FBXW5: variants seen among roughly 807,000 people sequenced by gnomAD.
The protein encoded by FBXW5 is F-box and WD repeat domain containing 5.
FBXW5 carries 74 observed loss-of-function variants against 50.9 expected under a neutral mutation model. That is an observed-to-expected ratio of 1.45 (90% CI 1.20 to 1.76). The LOEUF is 1.76. FBXW5 is among the 40% of genes most tolerant of loss of function. The pLI is 0.00. For missense variants in FBXW5, 1,073 were observed against 818.8 expected (o/e 1.31, Z -3.79); for synonymous variants, 523 against 362.2 (o/e 1.44, Z -5.04).
intron 2 of FBXW5, 70 bp from the exon 3 acceptor site, chr9:136,943,576 C>T: frequency 6.5e-7 from 1 of 1,530,360 alleles, no homozygotes; most frequent in South Asian, 1.2e-5. Flanking sequence ...CCGAGTGTGG[C>T]CCCAGCAGTC....
rs2131356181 is a variant in FBXW5, at chr9:136,942,464, A to G, written c.678T>C (p.Asp226=). The change falls in exon 6 of 9, where the codon GAT becomes GAC. Residue 226 remains aspartate (D), a splice_region_variant and synonymous_variant. Transcript: ENST00000325285. ...CCACGTTGACGTTCTCTGACTCCAC[A>G]TCCTGGGGGCGGGGGCACGTGCCAG... ...SVLWLNNAFQ[D]VESENVNVVK... The G allele has an allele frequency of 3.1e-6, 5 of 1,598,906 alleles. No individual in the cohort carries two copies. The highest frequency in any genetic ancestry group is 4.3e-6 in the Non-Finnish European group (5 of 1,169,456).
chr9:136,941,986 C>T lies in FBXW5; in HGVS notation c.1096+60G>A, dbSNP rs536970790. ...GCTTGCTGTCTGCCCCTCAGGACCC[C>T]TGCCCGGCCTCCCCCAAGCTCCTAG... is the stretch of plus-strand genomic sequence containing the variant. On this transcript the variant is annotated intron_variant, in intron 6 of 8. Coordinates refer to ENST00000325285, the MANE Select transcript of FBXW5 (RefSeq NM_018998.4). The T allele has an allele frequency of 2.6e-5, 40 of 1,519,898 alleles. No homozygotes were observed. In the African/African-American group the frequency reaches 5.0e-4, roughly 19 times the overall value. 94.2% of individuals were successfully genotyped at this position (1,519,898 alleles called of 1,614,324 possible). A position where few individuals can be genotyped will look rare whatever the true frequency, so the allele number is the denominator to read the frequency against.
Position 136,941,467 on chromosome 9 carries a change from G to C in FBXW5, c.1245-4C>G. ...GCGGCTGTTCACGTACAGGTACCTG[G>C]GCGAGGGGCACTGTGCTAGGTGTGG... On this transcript the variant is annotated splice_region_variant and splice_polypyrimidine_tract_variant and intron_variant, in intron 7 of 8. Transcript: ENST00000325285. 1.2e-6 allele frequency: 2 copies of C among 1,606,566 alleles called. No individual in the cohort carries two copies. The highest frequency in any genetic ancestry group is 1.7e-6 in the Non-Finnish European group (2 of 1,179,716).
Position 136,942,354 on chromosome 9 carries a change from G to C in FBXW5, c.788C>G (p.Pro263Arg). ...GTCACCGGCTTCCAGCAGCAGGTCA[G>C]GGCTGTCGAAGCGGCTGCAGTCGGC... ...MVADCSRFDS[P>R]DLLLEAGDPA... Residue 263 changes from proline to arginine, a missense_variant, in exon 6 of 9, where the codon CCT (proline) becomes CGT (arginine). Coordinates refer to ENST00000325285, the MANE Select transcript of FBXW5 (RefSeq NM_018998.4). The C allele has an allele frequency of 3.1e-6, 5 of 1,607,718 alleles. No homozygotes were observed. The highest frequency in any genetic ancestry group is 1.3e-5 in the African/African-American group (1 of 74,988).
rs748171605 is a variant in FBXW5, at chr9:136,941,586, T to C, written c.1195A>G (p.Ile399Val). ...CCGATGATGTGTCCGTGTATGTCTA[T>C]GACGTGGTCCAGCGCGTCGAAGAAG... ...DAFFDALDHVIDIHGHIIGMG... is the reference protein window; with the variant it reads ...DAFFDALDHVVDIHGHIIGMG... The change falls in exon 7 of 9, where the codon ATA becomes GTA. Residue 399 changes from isoleucine (I) to valine (V), a missense_variant. Physicochemically the swap from Ile to Val is conservative, Grantham distance 29. Transcript: ENST00000325285. 4.3e-6 allele frequency: 7 copies of C among 1,609,296 alleles called. No individual in the cohort carries two copies. In the South Asian group the frequency reaches 4.4e-5, roughly 10 times the overall value.
At position 136,940,766 on chromosome 9, in the gene FBXW5, CTGCGTGAGCAGGTTTG is replaced by C; in HGVS notation, c.*146_*161del. The C allele has an allele frequency of 8.4e-7, 1 of 1,183,694 alleles. No individual in the cohort carries two copies. Among genetic ancestry groups the C allele is most frequent in the Non-Finnish European group, 1.2e-6 (1 of 866,220 alleles). 73.3% of individuals were successfully genotyped at this position (1,183,694 alleles called of 1,614,324 possible). On this transcript the variant is annotated 3_prime_UTR_variant, in exon 9 of 9. Transcript: ENST00000325285. The stretch of plus-strand genomic sequence containing the variant: ...GGCCACCCCGTGCCAAGCATCACAG[CTGCGTGAGCAGGTTTG>C]TGTGTGAGCGTGTGGCGGGGCCTGG...
intron 6 of FBXW5, 179 bp from the exon 7 acceptor site, chr9:136,941,863 C>G: frequency 7.0e-7 from 1 of 1,435,958 alleles, no homozygotes. Flanking sequence ...GGCCAGCGGC[C>G]CTGCCTGCGT....
At chr9:136,943,541 C>G (rs1850892309) in intron 2 of FBXW5, 35 bp from the exon 3 acceptor site, 1 of 1,583,354 alleles carries the variant, frequency 6.3e-7, no homozygotes. Flanking sequence ...TGGGCCCGGG[C>G]CTTCCTCGCA....
Position 136,942,111 on chromosome 9 carries a change from G to A in FBXW5, c.1031C>T (p.Thr344Ile), listed in dbSNP as rs1850795173. 2 of 1,612,730 alleles carry A rather than the reference G, an allele frequency of 1.2e-6. No homozygotes were observed. The highest frequency in any genetic ancestry group is 1.7e-6 in the Non-Finnish European group (2 of 1,179,368). The change falls in exon 6 of 9, where the codon ACA becomes ATA. Residue 344 changes from threonine to isoleucine, a missense_variant. Transcript: ENST00000325285. ...GHTKPPERSA[T>I]GAKSKYLIFT... ...GATGAGGTACTTGCTCTTGGCGCCT[G>A]TGGCACTGCGCTCGGGTGGCTTGGT...
Position 136,943,291 on chromosome 9 carries a change from G to C in FBXW5, c.351+58C>G, listed in dbSNP as rs575667307. 16 of 1,581,884 alleles carry C rather than the reference G, an allele frequency of 1.0e-5. No individual in the cohort carries two copies. The African/African-American group carries it at 1.9e-4, about 19-fold the overall frequency. On this transcript the variant is annotated intron_variant, in intron 3 of 8. Transcript: ENST00000325285. The stretch of plus-strand genomic sequence containing the variant: ...ACCTGGTTGGAACGCCTGGGTCCTG[G>C]GACCTCCGTGCTGCGGCAGAGCTGG...
rs986536952 is a variant in FBXW5 at position 136,944,012 on chromosome 9, G to A, written c.72C>T (p.Ala24=). 6.3e-7 allele frequency: 1 copy of A among 1,599,456 alleles called. No individual in the cohort carries two copies. Residue 24 remains alanine (A), a synonymous_variant, in exon 2 of 9, where the codon GCC becomes GCT. Transcript: ENST00000325285. Reference sequence around the variant, plus strand: ...ACACCAGCCCGGCGGCCAGCACGTCGGCCGGGCCCAGGCTCAGGAAGATCT... The same window carrying A: ...ACACCAGCCCGGCGGCCAGCACGTCAGCCGGGCCCAGGCTCAGGAAGATCT... ...VYQIFLSLGP[A]DVLAAGLVCR...
At chr9:136,943,326 G>A (rs375441221) in intron 3 of FBXW5, 23 bp downstream of exon 3, 4 of 1,607,108 alleles carry the variant, frequency 2.5e-6, no homozygotes, top group African/African-American at 1.3e-5. Context: ...GGTGGGGTGT[G>A]CAGGACACCT....
chr9:136,943,379 G>T lies in FBXW5; in HGVS notation c.321C>A (p.Phe107Leu), dbSNP rs142320232. ...HLSFSHSGYQ[F>L]ASCSKDCTVK... Reference sequence around the variant, plus strand: ...CAGTGCAGTCCTTGGAGCAGGACGCGAACTGGTACCCGGAATGGGAGAAGC... The same window carrying T: ...CAGTGCAGTCCTTGGAGCAGGACGCTAACTGGTACCCGGAATGGGAGAAGC... Residue 107 changes from phenylalanine (F) to leucine (L), a missense_variant, in exon 3 of 9, where the codon TTC becomes TTA. Coordinates refer to ENST00000325285, the MANE Select transcript of FBXW5 (RefSeq NM_018998.4). 3 of 1,612,786 alleles carry T rather than the reference G, an allele frequency of 1.9e-6. No individual in the cohort carries two copies. The African/African-American group carries it at 4.0e-5, about 22-fold the overall frequency.
rs1472227260 is a variant in FBXW5, at chr9:136,942,564, G to C, written c.658C>G (p.Leu220Val). The C allele has an allele frequency of 6.2e-7, 1 of 1,611,758 alleles. No individual in the cohort carries two copies. Among genetic ancestry groups the C allele is most frequent in the Non-Finnish European group, 8.5e-7 (1 of 1,179,360 alleles). The stretch of plus-strand genomic sequence containing the variant: ...GCACGCACCTGGAAGGCATTGTTGA[G>C]CCACAGCACCGAGCAGGAGGTGATA... ...GDITSCSVLW[L>V]NNAFQDVESE... The change falls in exon 5 of 9, where the codon CTC becomes GTC. Residue 220 changes from leucine (L) to valine (V), a missense_variant. Coordinates refer to ENST00000325285, the MANE Select transcript of FBXW5 (RefSeq NM_018998.4).
rs1323527210 is a variant in FBXW5 at position 136,942,246 on chromosome 9, T to C, written c.896A>G (p.Lys299Arg). The C allele has an allele frequency of 6.3e-7, 1 of 1,585,344 alleles. No individual in the cohort carries two copies. Among genetic ancestry groups the C allele is most frequent in the Non-Finnish European group, 8.6e-7 (1 of 1,167,036 alleles). The change falls in exon 6 of 9, where the codon AAG (lysine) becomes AGG (arginine). Residue 299 changes from lysine (K) to arginine (R), a missense_variant. Coordinates refer to ENST00000325285, the MANE Select transcript of FBXW5 (RefSeq NM_018998.4). ...VVAGPAPAHA[K>R]EGLRHFLDRV... ...GTCCAGAAAGTGCCGCAAGCCCTCC[T>C]TGGCGTGGGCGGGGGCCGGGCCAGC...
At chr9:136,941,775 T>C (rs1850780848) in intron 6 of FBXW5, 91 bp from the exon 7 acceptor site, 23 of 1,423,308 alleles carry the variant, frequency 1.6e-5, no homozygotes, top group East Asian at 2.5e-5. Flanking sequence ...TCTCTGGGGC[T>C]GTGAGCACCA....
At chr9:136,943,255 C>A (rs533836419) in intron 3 of FBXW5, 94 bp downstream of exon 3, 11 of 1,242,908 alleles carry the variant, frequency 8.9e-6, no homozygotes, top group East Asian at 7.2e-5. Flanking sequence ...CCCACCCCCC[C>A]CCCCACCACC....
rs753631197 is a variant in FBXW5, at chr9:136,942,034, G to A, written c.1096+12C>T. On this transcript the variant is annotated intron_variant, in intron 6 of 8. Transcript: ENST00000325285. ...TAGGACCGAGGCGGGCAGCATGGCG[G>A]CAGGGGTGTACCGATCTGGTGTGGG... is the stretch of plus-strand genomic sequence containing the variant. 8.2e-6 allele frequency: 13 copies of A among 1,592,138 alleles called. No homozygotes were observed. The highest frequency in any genetic ancestry group is 6.7e-5 in the South Asian group (6 of 89,552).
chr9:136,944,133 G>C lies in FBXW5; in HGVS notation c.-23-27C>G, dbSNP rs537762656. 142 of 1,514,138 alleles carry C rather than the reference G, an allele frequency of 9.4e-5. No homozygotes were observed. The African/African-American group carries it at 1.5e-3, about 16-fold the overall frequency. 93.8% of individuals were successfully genotyped at this position (1,514,138 alleles called of 1,614,324 possible). A position where few individuals can be genotyped will look rare whatever the true frequency, so the allele number is the denominator to read the frequency against. ...TGAAACCCACCAACGGCTGCCCTCA[G>C]CCCAGGCCCGGGAAGGGAGGCCGAG... is the stretch of plus-strand genomic sequence containing the variant. On this transcript the variant is annotated intron_variant, in intron 1 of 8. Coordinates refer to ENST00000325285, the MANE Select transcript of FBXW5 (RefSeq NM_018998.4).
Sources: allele counts gnomAD v4.1 joint callset, GRCh38; gene constraint gnomAD v4.1.1; transcripts MANE v1.5; gene names NCBI Gene and HGNC (gene_info 2026-07-23, HGNC 2026-07-21).